CFTR: variants seen among roughly 807,000 people sequenced by gnomAD.
The protein encoded by CFTR is cystic fibrosis transmembrane conductance regulator.
In CFTR, 181 loss-of-function variants were observed where a neutral mutation model predicts 171.6. The ratio of observed to expected loss-of-function variants is 1.05; its 90% CI spans 0.93 to 1.19. The LOEUF (loss-of-function observed/expected upper bound fraction) is 1.19, where lower values mean the gene tolerates loss of function less well. CFTR is among the 50% of genes most tolerant of loss of function. The pLI is 0.00. For missense variants in CFTR, 1,968 were observed against 1,734.7 expected (o/e 1.13, Z -2.39); for synonymous variants, 583 against 608.0 (o/e 0.96, Z 0.60).
intron 1 of CFTR, among the ~76,000 whole-genome samples, chr7:117,500,507 C>T (rs2116630012): frequency 6.6e-6 from 1 of 151,866 alleles, no homozygotes; most frequent in East Asian, 1.9e-4. Flanking sequence ...TCAGGCTGGT[C>T]TCGAACTCCT....
chr7:117,665,298 T>C (rs1307069683), intron 25 of CFTR, among the ~76,000 whole-genome samples, 161 bp from the exon 26 acceptor site: 2 of 152,232 alleles, frequency 1.3e-5, no homozygotes, highest in East Asian at 3.9e-4. Flanking sequence ...ACCCCATGGT[T>C]GAAAAGCTGA....
At chr7:117,571,432 G>C (rs528016327) in intron 11 of CFTR, among the ~76,000 whole-genome samples, 1 of 152,224 alleles carries the variant, frequency 6.6e-6, no homozygotes, top group Admixed American at 6.5e-5. Flanking sequence ...ACTTAGAGGA[G>C]ATAGTTAAGG....
In CFTR at chr7:117,610,592, CAGTGAT is replaced by C. The variant is rs121908767; in HGVS notation, c.3067_3072del (p.Ile1023_Val1024del). 1.1e-5 allele frequency: 17 copies of C among 1,613,340 alleles called. No homozygotes were observed. The Admixed American group carries it at 1.3e-4, about 13-fold the overall frequency. On this transcript the variant is annotated inframe_deletion, in exon 19 of 27. Transcript: ENST00000003084. ...CCCTACATCTTTGTTGCAACAGTGC[CAGTGAT>C]AGTGGCTTTTATTATGTTGAGAGCA...
intron 3 of CFTR, among the ~76,000 whole-genome samples, chr7:117,519,073 C>A (rs1798646104): frequency 6.6e-6 from 1 of 151,924 alleles, no homozygotes; most frequent in African/African-American, 2.4e-5. Flanking sequence ...TTAATAAAAT[C>A]AGTAAGCACT....
intron 1 of CFTR, among the ~76,000 whole-genome samples, chr7:117,481,698 T>G (rs1173157956): frequency 6.6e-6 from 1 of 152,212 alleles, no homozygotes; most frequent in Non-Finnish European, 1.5e-5. Flanking sequence ...AAAGTTAAGT[T>G]CCTACTATTT....
At chr7:117,528,047 G>T (rs909291750) in intron 3 of CFTR, among the ~76,000 whole-genome samples, 2 of 135,806 alleles carry the variant, frequency 1.5e-5, no homozygotes, top group Non-Finnish European at 3.2e-5. Flanking sequence ...AAAAGAGCCC[G>T]CATCGCCAAG....
At chr7:117,544,791 T>C (rs1290879817) in intron 9 of CFTR, among the ~76,000 whole-genome samples, 1 of 152,254 alleles carries the variant, frequency 6.6e-6, no homozygotes, top group African/African-American at 2.4e-5. Flanking sequence ...TTCTCACTTC[T>C]TCACTTTTTG....
chr7:117,558,700 ATTAC>A (rs892923165), intron 10 of CFTR, among the ~76,000 whole-genome samples: 22 of 151,804 alleles, frequency 1.4e-4, no homozygotes, highest in African/African-American at 5.1e-4. Context: ...TTATGCTTCT[ATTAC>A]TTTATTTATT....
intron 7 of CFTR, among the ~76,000 whole-genome samples, chr7:117,538,814 C>A (rs1798999778): frequency 6.6e-6 from 1 of 152,192 alleles, no homozygotes; most frequent in African/African-American, 2.4e-5. Context: ...CATAATCTGT[C>A]TTCAGTGTCA....
At chr7:117,495,433 C>T (rs1584770836) in intron 1 of CFTR, among the ~76,000 whole-genome samples, 1 of 152,094 alleles carries the variant, frequency 6.6e-6, no homozygotes, top group African/African-American at 2.4e-5. Flanking sequence ...CTCTCAAGTG[C>T]TTGAGTCTTT....
intron 3 of CFTR, among the ~76,000 whole-genome samples, chr7:117,529,824 G>T (rs1258142790): frequency 6.6e-6 from 1 of 152,042 alleles, no homozygotes. Context: ...CAATACCAGG[G>T]GTAGGCTGCA....
At chr7:117,579,236 A>G (rs1329392783) in intron 11 of CFTR, among the ~76,000 whole-genome samples, 1 of 152,046 alleles carries the variant, frequency 6.6e-6, no homozygotes, top group African/African-American at 2.4e-5. Flanking sequence ...GGATGAATAG[A>G]AAGATCATAA....
intron 15 of CFTR, 126 bp from the exon 16 acceptor site, chr7:117,602,700 A>C: frequency 1.2e-6 from 1 of 844,498 alleles, no homozygotes; most frequent in Non-Finnish European, 2.1e-6. Context: ...GCAAAGGAAG[A>C]TGAAATTGTG....
intron 23 of CFTR, among the ~76,000 whole-genome samples, chr7:117,649,552 G>A (rs1793057107): frequency 6.8e-6 from 1 of 146,548 alleles, no homozygotes; most frequent in African/African-American, 2.5e-5. Context: ...CAAAATACTA[G>A]GTTGTAATAG....
intron 10 of CFTR, among the ~76,000 whole-genome samples, chr7:117,554,685 A>C (rs1370336312): frequency 6.6e-6 from 1 of 152,116 alleles, no homozygotes; most frequent in Non-Finnish European, 1.5e-5. Context: ...AAACCCAATA[A>C]AATAAAAGTC....
At chr7:117,583,984 A>G (rs1330017237) in intron 11 of CFTR, among the ~76,000 whole-genome samples, 3 of 151,650 alleles carry the variant, frequency 2.0e-5, no homozygotes, top group Non-Finnish European at 2.9e-5. Flanking sequence ...AGAATTATCT[A>G]TTCTGTCCTT....
intron 18 of CFTR, among the ~76,000 whole-genome samples, chr7:117,607,014 G>A (rs530482999): frequency 6.6e-6 from 1 of 152,172 alleles, no homozygotes; most frequent in South Asian, 2.1e-4. Context: ...TGATTTGAGA[G>A]GCACAAAGGA....
At chr7:117,550,887 A>G (rs1799258016) in intron 10 of CFTR, among the ~76,000 whole-genome samples, 1 of 152,214 alleles carries the variant, frequency 6.6e-6, no homozygotes, top group South Asian at 2.1e-4. Flanking sequence ...TACTAACTCA[A>G]TCTAGGAGGC....
intron 23 of CFTR, among the ~76,000 whole-genome samples, chr7:117,643,277 G>T (rs1792948249): frequency 6.6e-6 from 1 of 152,004 alleles, no homozygotes; most frequent in Admixed American, 6.6e-5. Context: ...TATTTTTGCT[G>T]GTATTTTCTC....
Sources: allele counts gnomAD v4.1 joint callset (sites outside exome capture counted in the v4.1 genomes callset), GRCh38; gene constraint gnomAD v4.1.1; transcripts MANE v1.5; gene names NCBI Gene and HGNC (gene_info 2026-07-23, HGNC 2026-07-21).